Variants in SCHIP1 observed in about 807,000 individuals in gnomAD.
The protein encoded by SCHIP1 is schwannomin interacting protein 1, also known as schwannomin-interacting protein 1.
A neutral mutation model predicts 29.7 loss-of-function variants in SCHIP1; 8 were observed. That is an observed-to-expected ratio of 0.27 (90% CI 0.16 to 0.49). SCHIP1 has a LOEUF of 0.49. Among genes scored for constraint, SCHIP1 ranks in the 20% least tolerant of loss-of-function variants. The probability of loss-of-function intolerance (pLI) is 0.99; values close to 1 mark genes in which losing one functional copy is unlikely to be tolerated. For missense variants in SCHIP1, 193 were observed against 294.6 expected (o/e 0.66, Z 2.52); for synonymous variants, 76 against 94.9 (o/e 0.80, Z 1.16).
chr3:159,647,354 G>A, the SCHIP1 span, among the ~76,000 whole-genome samples: 2 of 152,056 alleles, frequency 1.3e-5, no homozygotes, highest in Non-Finnish European at 2.9e-5. Flanking sequence ...AGGGTTGAAC[G>A]GGGAATGAGG....
At chr3:159,729,409 G>A in the SCHIP1 span, among the ~76,000 whole-genome samples, 3 of 152,106 alleles carry the variant, frequency 2.0e-5, no homozygotes, top group Non-Finnish European at 4.4e-5. Flanking sequence ...TGAAAAGGAT[G>A]AGCCAAAGTG....
At chr3:159,344,627 T>A in the SCHIP1 span, among the ~76,000 whole-genome samples, 1 of 152,196 alleles carries the variant, frequency 6.6e-6, no homozygotes, top group Non-Finnish European at 1.5e-5. Flanking sequence ...TTCAAAACTG[T>A]CAAGGTCCTC....
At chr3:159,304,109 G>A in the SCHIP1 span, among the ~76,000 whole-genome samples, 1 of 150,460 alleles carries the variant, frequency 6.6e-6, no homozygotes, top group African/African-American at 2.4e-5. Flanking sequence ...GAGAATATAC[G>A]GTGTTTGGTT....
chr3:159,295,253 TA>T, the SCHIP1 span, among the ~76,000 whole-genome samples: 3 of 66,984 alleles, frequency 4.5e-5, no homozygotes, highest in African/African-American at 2.1e-4. Flanking sequence ...CTATCTCTAC[TA>T]AAAAAAAAAA....
the SCHIP1 span, among the ~76,000 whole-genome samples, chr3:159,407,413 G>T: frequency 7.2e-5 from 11 of 152,284 alleles, no homozygotes; most frequent in African/African-American, 1.7e-4. Context: ...GGTAAAGAGA[G>T]AGATGGGCCC....
chr3:159,883,698 A>G (rs889719151), intron 2 of SCHIP1, among the ~76,000 whole-genome samples: 3 of 152,306 alleles, frequency 2.0e-5, no homozygotes, highest in East Asian at 1.9e-4. Flanking sequence ...TGAGAGTAAC[A>G]TTCTTGGTGA....
the SCHIP1 span, among the ~76,000 whole-genome samples, chr3:159,501,574 A>C: frequency 6.6e-6 from 1 of 152,234 alleles, no homozygotes; most frequent in African/African-American, 2.4e-5. Flanking sequence ...CTCATGGTAT[A>C]TATAAATCCC....
the SCHIP1 span, among the ~76,000 whole-genome samples, chr3:159,418,763 G>A: frequency 6.6e-6 from 1 of 152,128 alleles, no homozygotes; most frequent in Non-Finnish European, 1.5e-5. Flanking sequence ...CAGGGCTTCA[G>A]CTCTAAGACT....
At chr3:159,871,760 A>C (rs893526619) in intron 2 of SCHIP1, among the ~76,000 whole-genome samples, 1 of 143,930 alleles carries the variant, frequency 6.9e-6, no homozygotes, top group African/African-American at 2.5e-5. Flanking sequence ...AATTTTACTT[A>C]ATTTCCTTGA....
At chr3:159,673,043 G>A in the SCHIP1 span, among the ~76,000 whole-genome samples, 1 of 152,198 alleles carries the variant, frequency 6.6e-6, no homozygotes, top group South Asian at 2.1e-4. Flanking sequence ...ACCGAAACCT[G>A]TTTACTTCTT....
chr3:159,758,642 C>G, the SCHIP1 span, among the ~76,000 whole-genome samples: 1 of 152,230 alleles, frequency 6.6e-6, no homozygotes, highest in Non-Finnish European at 1.5e-5. Flanking sequence ...ACATTTCCTA[C>G]CAATGGAATT....
chr3:159,799,711 AAG>A, the SCHIP1 span, among the ~76,000 whole-genome samples: 1 of 152,204 alleles, frequency 6.6e-6, no homozygotes, highest in Non-Finnish European at 1.5e-5. Flanking sequence ...GTGGGAGTGC[AAG>A]AGAGAGCCTG....
the SCHIP1 span, among the ~76,000 whole-genome samples, chr3:159,697,066 A>G: frequency 1.3e-5 from 2 of 152,150 alleles, no homozygotes; most frequent in Non-Finnish European, 2.9e-5. Context: ...TGCCTTTTAG[A>G]GTGGTCACTG....
the SCHIP1 span, among the ~76,000 whole-genome samples, chr3:159,828,647 T>C: frequency 1.3e-5 from 2 of 152,132 alleles, no homozygotes; most frequent in Admixed American, 1.3e-4. Flanking sequence ...GGCACCTTTC[T>C]TCAACATCAC....
chr3:159,427,662 A>T, the SCHIP1 span, among the ~76,000 whole-genome samples: 4 of 151,200 alleles, frequency 2.6e-5, no homozygotes, highest in African/African-American at 7.3e-5. Flanking sequence ...TCAAGCTACC[A>T]ATGACTTTCT....
At chr3:159,719,706 A>C in the SCHIP1 span, among the ~76,000 whole-genome samples, 1 of 152,248 alleles carries the variant, frequency 6.6e-6, no homozygotes, top group Non-Finnish European at 1.5e-5. Context: ...CACCAGTTAG[A>C]ATGGTGATCA....
the SCHIP1 span, among the ~76,000 whole-genome samples, chr3:159,732,658 C>CCAGGG: frequency 9.7e-3 from 1,480 of 152,214 alleles, 28 homozygotes; most frequent in African/African-American, 0.034. Flanking sequence ...TGAGGCATTT[C>CCAGGG]CAGGGCAGGG....
chr3:159,850,754 C>A (rs934613026), intron 1 of SCHIP1, among the ~76,000 whole-genome samples: 2 of 151,374 alleles, frequency 1.3e-5, no homozygotes, highest in African/African-American at 2.4e-5. Flanking sequence ...GGAGGTGCTA[C>A]ACGCTTTTAA....
chr3:159,882,707 A>G (rs897858882), intron 2 of SCHIP1, among the ~76,000 whole-genome samples: 1 of 152,228 alleles, frequency 6.6e-6, no homozygotes, highest in South Asian at 2.1e-4. Context: ...GAGATATTCT[A>G]TTCATACTTA....
Sources: allele counts gnomAD v4.1 joint callset (sites outside exome capture counted in the v4.1 genomes callset), GRCh38; gene constraint gnomAD v4.1.1; transcripts MANE v1.5; gene names NCBI Gene and HGNC (gene_info 2026-07-23, HGNC 2026-07-21).